The following MAT1A variants were observed in gnomAD, a reference collection of about 807,000 sequenced individuals.
MAT1A encodes the protein methionine adenosyltransferase 1A, also known as S-adenosylmethionine synthase isoform type-1.
In MAT1A, 19 loss-of-function variants were observed where a neutral mutation model predicts 44.0. The ratio of observed to expected loss-of-function variants is 0.43; its 90% confidence interval spans 0.30 to 0.63. The LOEUF (loss-of-function observed/expected upper bound fraction) is 0.63, where lower values mean the gene tolerates loss of function less well. Ranked by LOEUF, MAT1A falls within the 30% of genes least tolerant of loss-of-function variation. The probability of loss-of-function intolerance (pLI) is 0.12; values close to 1 mark genes in which losing one functional copy is unlikely to be tolerated. For missense variants in MAT1A, 397 were observed against 531.0 expected (o/e 0.75, Z 2.48); for synonymous variants, 205 against 205.6 (o/e 1.00, Z 0.03).
At chr10:80,282,398 C>T (rs1196816599) in intron 3 of MAT1A, among the ~76,000 whole-genome samples, 1 of 152,256 alleles carries the variant, frequency 6.6e-6, no homozygotes, top group African/African-American at 2.4e-5. Flanking sequence ...CAGGGAACCT[C>T]AGCCAGCTGA....
chr10:80,281,014 C>T (rs987796972), intron 3 of MAT1A, among the ~76,000 whole-genome samples: 8 of 152,136 alleles, frequency 5.3e-5, no homozygotes, highest in Non-Finnish European at 1.2e-4. Context: ...CAAAATTCTC[C>T]GTGGTGCATT....
rs559722402 is a variant in MAT1A, at chr10:80,279,947, ATTCTT to A, written c.549+221_549+225del. On this transcript the variant is annotated intron_variant, in intron 5 of 8. Coordinates refer to ENST00000372213, the MANE Select transcript of MAT1A (RefSeq NM_000429.3). Reference sequence around the variant, plus strand: ...ATGAGCAAACAAAAAAAACGGAACTATTCTTTTCATTTCTCTGTATTTTTGAAATT... The same window carrying A: ...ATGAGCAAACAAAAAAAACGGAACTATTCATTTCTCTGTATTTTTGAAATT... Among the ~76,000 whole-genome samples the A allele has an allele frequency of 5.2e-4, 79 of 152,256 alleles. 1 individual carries two copies. In the South Asian group the frequency reaches 0.013, roughly 25 times the overall value.
chr10:80,276,545 A>G lies in MAT1A; in HGVS notation c.599T>C (p.Ile200Thr). Residue 200 changes from isoleucine (I) to threonine (T), a missense_variant, in exon 6 of 9, where the codon ATC (isoleucine) becomes ACC (threonine). Ile to Thr is a moderately conservative substitution (Grantham distance 89). Coordinates refer to ENST00000372213, the MANE Select transcript of MAT1A (RefSeq NM_000429.3). ...CTGCACAGAGATGACGATGGTGTGG[A>G]TGCGCACAGGGATGACTGCGCCATT... ...QDNGAVIPVR[I>T]HTIVISVQHN... The G allele has an allele frequency of 6.2e-7, 1 of 1,613,916 alleles. No individual in the cohort carries two copies. The highest frequency in any genetic ancestry group is 8.5e-7 in the Non-Finnish European group (1 of 1,180,044).
chr10:80,287,023 C>T (rs1020326744), intron 1 of MAT1A, among the ~76,000 whole-genome samples: 1 of 152,228 alleles, frequency 6.6e-6, no homozygotes, highest in African/African-American at 2.4e-5. Context: ...TTAGCCTCTA[C>T]ACACTTCTAC....
At chr10:80,279,942 G>T (rs1434682771) in intron 5 of MAT1A, among the ~76,000 whole-genome samples, 2 of 152,072 alleles carry the variant, frequency 1.3e-5, no homozygotes, top group Non-Finnish European at 2.9e-5. Context: ...AAAAAAAACG[G>T]AACTATTCTT....
chr10:80,273,683 G>T lies in MAT1A; in HGVS notation c.*98C>A. Reference sequence around the variant, plus strand: ...GGGACCTGGCTTTGCCCTGAGGGTTGGTGGGTGGGGAAGGCGATCAGCAGC... The same window carrying T: ...GGGACCTGGCTTTGCCCTGAGGGTTTGTGGGTGGGGAAGGCGATCAGCAGC... On this transcript the variant is annotated 3_prime_UTR_variant, in exon 9 of 9. Coordinates refer to ENST00000372213, the MANE Select transcript of MAT1A (RefSeq NM_000429.3). 2.3e-6 allele frequency: 2 copies of T among 872,134 alleles called. No individual in the cohort carries two copies. Among genetic ancestry groups the T allele is most frequent in the Non-Finnish European group, 4.0e-6 (2 of 505,676 alleles). The allele number at this position is 872,134 out of a possible 1,614,324, so 54.0% of individuals were successfully genotyped here.
intron 3 of MAT1A, among the ~76,000 whole-genome samples, chr10:80,281,662 T>G (rs1191760214): frequency 6.6e-6 from 1 of 152,202 alleles, no homozygotes; most frequent in Non-Finnish European, 1.5e-5. Context: ...CCTTCCCATC[T>G]ATTCTCCTAC....
chr10:80,274,421 G>A, intron 8 of MAT1A, 99 bp downstream of exon 8: 1 of 1,544,426 alleles, frequency 6.5e-7, no homozygotes, highest in Non-Finnish European at 8.9e-7. Flanking sequence ...ACTTCTGAGA[G>A]GCAGAAACAT....
In MAT1A at chr10:80,280,683, A is replaced by G. The variant is rs1178707159; in HGVS notation, c.402T>C (p.Asp134=). 1 of 1,613,660 alleles carries G rather than the reference A, an allele frequency of 6.2e-7. No homozygotes were observed. Residue 134 remains aspartate, a synonymous_variant, in exon 4 of 9, where the codon GAT becomes GAC. Coordinates refer to ENST00000372213, the MANE Select transcript of MAT1A (RefSeq NM_000429.3). ...DRNEEDVGAG[D]QGLMFGYATD... is the part of the protein sequence containing the mutation. Reference sequence around the variant, plus strand: ...CCCACATGCAGTGCCGAGCTACCTGATCTCCTGCCCCCACATCCTCCTCAT... The same window carrying G: ...CCCACATGCAGTGCCGAGCTACCTGGTCTCCTGCCCCCACATCCTCCTCAT...
chr10:80,286,976 G>T (rs1241734440), intron 1 of MAT1A, among the ~76,000 whole-genome samples: 1 of 152,184 alleles, frequency 6.6e-6, no homozygotes, highest in Non-Finnish European at 1.5e-5. Flanking sequence ...CCTGCCAGTG[G>T]CAGACCCTGG....
chr10:80,279,333 G>A (rs1841529614), intron 5 of MAT1A, among the ~76,000 whole-genome samples: 1 of 152,110 alleles, frequency 6.6e-6, no homozygotes, highest in South Asian at 2.1e-4. Flanking sequence ...ACAGGACGGG[G>A]GAAGGGCAGG....
chr10:80,276,170 TTCTTGCACACTG>T (rs547247308), intron 6 of MAT1A, among the ~76,000 whole-genome samples, 194 bp downstream of exon 6: 73 of 152,232 alleles, frequency 4.8e-4, no homozygotes, highest in South Asian at 2.3e-3. Flanking sequence ...TATCCCCCAT[TTCTTGCACACTG>T]TCAGACACAT....
Position 80,280,693 on chromosome 10 carries a change from C to T in MAT1A, c.392G>A (p.Gly131Glu). 1 of 1,614,052 alleles carries T rather than the reference C, an allele frequency of 6.2e-7. No homozygotes were observed. The highest frequency in any genetic ancestry group is 1.1e-5 in the South Asian group (1 of 91,084). The change falls in exon 4 of 9, where the codon GGG (glycine) becomes GAG (glutamate). Residue 131 changes from glycine (G) to glutamate (E), a missense_variant. Gly to Glu is a moderately conservative substitution (Grantham distance 98, BLOSUM62 -2). Transcript: ENST00000372213. ...GTGCCGAGCTACCTGATCTCCTGCC[C>T]CCACATCCTCCTCATTTCTGTCCAG... ...VHLDRNEEDV[G>E]AGDQGLMFGY...
At chr10:80,289,252 AATTAAAACCATTTGT>A in intron 1 of MAT1A, 66 bp downstream of exon 1, 1 of 1,138,532 alleles carries the variant, frequency 8.8e-7, no homozygotes, top group Non-Finnish European at 1.3e-6. Context: ...TTATGTGTCA[AATTAAAACCATTTGT>A]AAGTGACTCC....
chr10:80,282,306 G>A (rs761087535), intron 3 of MAT1A, among the ~76,000 whole-genome samples: 6 of 152,156 alleles, frequency 3.9e-5, no homozygotes, highest in Non-Finnish European at 7.4e-5. Flanking sequence ...CCGCAGCCAG[G>A]AGCAACGAGG....
chr10:80,282,812 T>C (rs1332101453), intron 3 of MAT1A, among the ~76,000 whole-genome samples: 1 of 152,122 alleles, frequency 6.6e-6, no homozygotes, highest in Non-Finnish European at 1.5e-5. Context: ...CTCTCTCACT[T>C]ACAAACGGGG....
chr10:80,284,958 T>C (rs764062249), intron 2 of MAT1A, among the ~76,000 whole-genome samples: 2 of 152,254 alleles, frequency 1.3e-5, no homozygotes, highest in East Asian at 1.9e-4. Flanking sequence ...AGGAAAGCCA[T>C]TGATTTATTG....
At chr10:80,280,880 T>A (rs1841558057) in intron 3 of MAT1A, 88 bp from the exon 4 acceptor site, 1 of 936,922 alleles carries the variant, frequency 1.1e-6, no homozygotes, top group Non-Finnish European at 1.8e-6. Flanking sequence ...GTTCCTGACA[T>A]GCCATTTGGT....
intron 1 of MAT1A, among the ~76,000 whole-genome samples, chr10:80,287,015 A>G (rs1444562910): frequency 6.6e-6 from 1 of 152,190 alleles, no homozygotes; most frequent in African/African-American, 2.4e-5. Flanking sequence ...CTGAGCCCTT[A>G]GCCTCTACAC....
Sources: allele counts gnomAD v4.1 joint callset (sites outside exome capture counted in the v4.1 genomes callset), GRCh38; gene constraint gnomAD v4.1.1; transcripts MANE v1.5; gene names NCBI Gene and HGNC (gene_info 2026-07-23, HGNC 2026-07-21).